Variants in TAB2 observed in about 807,000 individuals in gnomAD.
TAB2 encodes the protein TGF-beta activated kinase 1 (MAP3K7) binding protein 2, also known as TGF-beta-activated kinase 1 and MAP3K7-binding protein 2.
TAB2 carries 3 observed loss-of-function variants against 65.0 expected under a neutral mutation model. That is an observed-to-expected ratio of 0.05 (90% CI 0.02 to 0.12). The LOEUF is 0.12. Ranked by LOEUF, TAB2 falls within the 10% of genes least tolerant of loss-of-function variation. The pLI is 1.00. For synonymous variants in TAB2, 298 were observed against 285.1 expected (o/e 1.05, Z -0.46); for missense variants, 623 against 840.3 (o/e 0.74, Z 3.20).
intron 1 of TAB2, among the ~76,000 whole-genome samples, chr6:149,336,283 G>T (rs1779933351): frequency 6.6e-6 from 1 of 152,126 alleles, no homozygotes; most frequent in African/African-American, 2.4e-5. Context: ...AATTAAATAG[G>T]AGTATCTAGG....
chr6:149,266,560 C>G (rs1166662046), intron 1 of TAB2, among the ~76,000 whole-genome samples: 2 of 152,206 alleles, frequency 1.3e-5, no homozygotes, highest in Non-Finnish European at 2.9e-5. Context: ...TTCACATCAT[C>G]TAACAAAACA....
At chr6:149,284,908 T>C (rs1778642207) in intron 1 of TAB2, among the ~76,000 whole-genome samples, 1 of 152,152 alleles carries the variant, frequency 6.6e-6, no homozygotes, top group South Asian at 2.1e-4. Flanking sequence ...GCCAAGTCCA[T>C]CATCCCCACA....
chr6:149,299,503 G>C (rs1177199819), intron 1 of TAB2, among the ~76,000 whole-genome samples: 2 of 152,084 alleles, frequency 1.3e-5, no homozygotes, highest in African/African-American at 4.8e-5. Flanking sequence ...ACCCAGGAGG[G>C]GGAGGCTGCA....
chr6:149,319,089 A>G (rs1227669041), intron 1 of TAB2, among the ~76,000 whole-genome samples: 1 of 152,214 alleles, frequency 6.6e-6, no homozygotes, highest in East Asian at 1.9e-4. Flanking sequence ...TGTCTGTTTT[A>G]GGTAAGTTTG....
At chr6:149,401,107 T>A (rs1438867580) in intron 6 of TAB2, 1 of 175,118 alleles carries the variant, frequency 5.7e-6, no homozygotes, top group African/African-American at 2.4e-5. Context: ...TTTTCATTTA[T>A]CATTGTAAAA....
chr6:149,229,559 GA>G (rs1187980492), intron 1 of TAB2, among the ~76,000 whole-genome samples: 1 of 152,078 alleles, frequency 6.6e-6, no homozygotes, highest in Non-Finnish European at 1.5e-5. Flanking sequence ...GAGCAGGCCA[GA>G]AAGAAGCATG....
intron 1 of TAB2, among the ~76,000 whole-genome samples, chr6:149,353,489 GA>G (rs1780556493): frequency 6.6e-6 from 1 of 152,132 alleles, no homozygotes; most frequent in African/African-American, 2.4e-5. Context: ...CCAGAATGGA[GA>G]AACACTAACT....
At chr6:149,362,180 A>G (rs529591234) in intron 1 of TAB2, among the ~76,000 whole-genome samples, 2 of 152,298 alleles carry the variant, frequency 1.3e-5, no homozygotes, top group African/African-American at 4.8e-5. Flanking sequence ...TCCCAGTATC[A>G]GTTTTCTATG....
At chr6:149,322,570 G>A (rs1779489660) in intron 1 of TAB2, among the ~76,000 whole-genome samples, 1 of 152,034 alleles carries the variant, frequency 6.6e-6, no homozygotes, top group African/African-American at 2.4e-5. Flanking sequence ...ACTAGATTTG[G>A]GATCAGTTAA....
chr6:149,218,620 C>T (rs949572684), upstream of TAB2: 2 of 351,662 alleles, frequency 5.7e-6, no homozygotes, highest in African/African-American at 2.1e-5. Flanking sequence ...TATATTCTTA[C>T]AGATGAGAAG....
At chr6:149,273,526 G>T (rs1778402316) in intron 1 of TAB2, among the ~76,000 whole-genome samples, 1 of 152,196 alleles carries the variant, frequency 6.6e-6, no homozygotes, top group African/African-American at 2.4e-5. Flanking sequence ...GTGCTGTGGA[G>T]GCTGGACCAG....
At chr6:149,274,871 A>G (rs911238888) in intron 1 of TAB2, among the ~76,000 whole-genome samples, 4 of 152,148 alleles carry the variant, frequency 2.6e-5, no homozygotes, top group African/African-American at 7.2e-5. Flanking sequence ...GGCTACGACT[A>G]TAGGCATCTC....
At chr6:149,275,244 G>GAAAGAAAGAAAC (rs1368565204) in intron 1 of TAB2, among the ~76,000 whole-genome samples, 3 of 106,376 alleles carry the variant, frequency 2.8e-5, no homozygotes, top group Non-Finnish European at 5.9e-5. Flanking sequence ...GAGAAAGAAA[G>GAAAGAAAGAAAC]AAAGAAAGAA....
At chr6:149,370,129 A>G (rs1583131785) in intron 2 of TAB2, 30 bp downstream of exon 2, 1 of 1,563,454 alleles carries the variant, frequency 6.4e-7, no homozygotes, top group Non-Finnish European at 8.8e-7. Flanking sequence ...TGAATTTGTT[A>G]ATACAAACCT....
chr6:149,294,791 G>A (rs1350186502), intron 1 of TAB2, among the ~76,000 whole-genome samples: 3 of 152,172 alleles, frequency 2.0e-5, no homozygotes, highest in Non-Finnish European at 4.4e-5. Flanking sequence ...CTGGGTTCTG[G>A]TGCAAATTCT....
intron 2 of TAB2, among the ~76,000 whole-genome samples, chr6:149,373,644 G>C (rs1429776605): frequency 6.6e-6 from 1 of 152,138 alleles, no homozygotes; most frequent in Non-Finnish European, 1.5e-5. Flanking sequence ...GCAGGAGTTT[G>C]GGGAAAAATG....
At chr6:149,315,506 G>A (rs550012449), upstream of TAB2, among the ~76,000 whole-genome samples, 82 of 152,202 alleles carry the variant, frequency 5.4e-4, no homozygotes, top group African/African-American at 1.9e-3. Flanking sequence ...ATATTCTCAT[G>A]CAAACATATT....
chr6:149,394,697 C>G (rs1782110509), intron 3 of TAB2, among the ~76,000 whole-genome samples: 1 of 152,176 alleles, frequency 6.6e-6, no homozygotes, highest in Admixed American at 6.5e-5. Flanking sequence ...CAGCAATTGA[C>G]TGCTATTACT....
intron 3 of TAB2, among the ~76,000 whole-genome samples, chr6:149,390,207 A>G (rs1359296609): frequency 6.6e-6 from 1 of 152,218 alleles, no homozygotes; most frequent in African/African-American, 2.4e-5. Flanking sequence ...TTTATTTTAG[A>G]AGCTGACATT....
Sources: allele counts gnomAD v4.1 joint callset (sites outside exome capture counted in the v4.1 genomes callset), GRCh38; gene constraint gnomAD v4.1.1; transcripts MANE v1.5; gene names NCBI Gene and HGNC (gene_info 2026-07-23, HGNC 2026-07-21).